The following TXNDC12 variants were observed in gnomAD, a reference collection of about 807,000 sequenced individuals.
The protein encoded by TXNDC12 is thioredoxin domain containing 12, also known as thioredoxin domain-containing protein 12.
A neutral mutation model predicts 24.2 loss-of-function variants in TXNDC12; 22 were observed. That is an observed-to-expected ratio of 0.91 (90% CI 0.65 to 1.30). The LOEUF (loss-of-function observed/expected upper bound fraction) is 1.30, where lower values mean the gene tolerates loss of function less well. Among genes scored for constraint, TXNDC12 ranks in the 50% most tolerant of loss-of-function variants. The pLI is 0.00. For missense variants in TXNDC12, 184 were observed against 205.8 expected (o/e 0.89, Z 0.65); for synonymous variants, 58 against 73.4 (o/e 0.79, Z 1.07).
intron 1 of TXNDC12, among the ~76,000 whole-genome samples, chr1:52,045,750 C>T (rs13374114): frequency 0.023 from 3,497 of 151,880 alleles, 73 homozygotes; most frequent in African/African-American, 0.061. Context: ...AATATTGGTT[C>T]GTCAATTGTA....
intron 3 of TXNDC12, among the ~76,000 whole-genome samples, chr1:52,027,765 G>A (rs1456252428): frequency 5.4e-5 from 8 of 147,202 alleles, no homozygotes; most frequent in South Asian, 4.3e-4. Context: ...ACATATATAC[G>A]TATATATTAT....
chr1:52,044,237 A>T (rs921312602), intron 1 of TXNDC12: 7 of 152,244 alleles, frequency 4.6e-5, no homozygotes, highest in African/African-American at 1.7e-4. Flanking sequence ...CCATAAACAC[A>T]AAGCAAGCTA....
intron 1 of TXNDC12, among the ~76,000 whole-genome samples, chr1:52,049,542 C>T (rs1269466264): frequency 7.2e-5 from 11 of 152,114 alleles, no homozygotes; most frequent in African/African-American, 1.4e-4. Context: ...GCTGAGATTG[C>T]GTCACTGCAC....
chr1:52,023,652 G>T, intron 5 of TXNDC12, 78 bp from the exon 6 acceptor site: 2 of 1,004,954 alleles, frequency 2.0e-6, no homozygotes, highest in Non-Finnish European at 1.6e-6. Flanking sequence ...GGTACATCGG[G>T]CCCTCTGGGA....
chr1:52,044,468 A>C (rs1686051017), intron 1 of TXNDC12, among the ~76,000 whole-genome samples: 1 of 152,240 alleles, frequency 6.6e-6, no homozygotes, highest in Non-Finnish European at 1.5e-5. Flanking sequence ...TAGCCAATGA[A>C]GAAGAACAAC....
intron 1 of TXNDC12, among the ~76,000 whole-genome samples, chr1:52,042,944 G>A (rs1686022072): frequency 5.3e-5 from 8 of 152,126 alleles, no homozygotes; most frequent in Admixed American, 5.2e-4. Flanking sequence ...ATTTTTAGTA[G>A]AGAGAGGGTT....
chr1:52,048,196 G>T (rs1345129738), intron 1 of TXNDC12, among the ~76,000 whole-genome samples: 1 of 152,128 alleles, frequency 6.6e-6, no homozygotes, highest in Non-Finnish European at 1.5e-5. Context: ...CAGTTGTGGT[G>T]GCTCACACCT....
At position 52,028,615 on chromosome 1, in the gene TXNDC12, C is replaced by A. The variant is rs754222278; in HGVS notation, c.174G>T (p.Met58Ile). 6.2e-7 allele frequency: 1 copy of A among 1,612,180 alleles called. No homozygotes were observed. Among genetic ancestry groups the A allele is most frequent in the Non-Finnish European group, 8.5e-7 (1 of 1,179,412 alleles). Reference protein sequence around the residue: ...KEAAASGLPLMVIIHKSWCGA... With the variant: ...KEAAASGLPLIVIIHKSWCGA... The stretch of plus-strand genomic sequence containing the variant: ...CACACCAGGATTTATGAATAATCAC[C>A]ATCAGGGGCAGTCCACTTAAAAGCA... The change falls in exon 3 of 7, where the codon ATG becomes ATT. Residue 58 changes from methionine to isoleucine, a missense_variant. By Grantham distance (10) the Met-to-Ile change is conservative. Transcript: ENST00000371626.
chr1:52,024,777 C>T, intron 4 of TXNDC12, 198 bp from the exon 5 acceptor site: 1 of 509,120 alleles, frequency 2.0e-6, no homozygotes, highest in South Asian at 3.2e-5. Context: ...ACACTGACCT[C>T]TTGCTGTTGC....
intron 2 of TXNDC12, among the ~76,000 whole-genome samples, chr1:52,037,971 A>T (rs1685916093): frequency 6.6e-6 from 1 of 151,520 alleles, no homozygotes; most frequent in South Asian, 2.1e-4. Context: ...TCTGTTGCCC[A>T]GGCTACAGTT....
intron 2 of TXNDC12, among the ~76,000 whole-genome samples, chr1:52,034,994 C>T (rs1685855849): frequency 6.6e-6 from 1 of 152,100 alleles, no homozygotes; most frequent in South Asian, 2.1e-4. Context: ...AAACTCCTGA[C>T]CCCAGGTGAT....
chr1:52,033,703 T>C, intron 2 of TXNDC12: 1 of 1,611,024 alleles, frequency 6.2e-7, no homozygotes, highest in Non-Finnish European at 8.5e-7. Flanking sequence ...CACGCGCAAC[T>C]CTTCAGCACG....
At chr1:52,045,297 A>C (rs922572024) in intron 1 of TXNDC12, among the ~76,000 whole-genome samples, 1 of 152,182 alleles carries the variant, frequency 6.6e-6, no homozygotes, top group African/African-American at 2.4e-5. Flanking sequence ...TAACAGTGAA[A>C]CTATTCTATA....
At chr1:52,030,654 A>G (rs370658795) in intron 2 of TXNDC12, 3 of 152,256 alleles carry the variant, frequency 2.0e-5, no homozygotes, top group African/African-American at 7.2e-5. Flanking sequence ...CCATAGTTTC[A>G]GAGCATGCAT....
intron 1 of TXNDC12, among the ~76,000 whole-genome samples, chr1:52,046,289 A>G (rs1022800488): frequency 7.9e-5 from 12 of 152,126 alleles, no homozygotes; most frequent in African/African-American, 2.7e-4. Flanking sequence ...GGAGACTAAT[A>G]AAGGGGCTAC....
chr1:52,032,677 TTCCCCCC>T (rs781307812), intron 2 of TXNDC12: 1 of 1,562,538 alleles, frequency 6.4e-7, no homozygotes, highest in South Asian at 1.2e-5. Flanking sequence ...AAGCCATGGC[TTCCCCCC>T]TACCTCCTCT....
intron 2 of TXNDC12, among the ~76,000 whole-genome samples, chr1:52,038,260 T>A (rs1057357153): frequency 2.0e-5 from 3 of 152,084 alleles, no homozygotes; most frequent in Admixed American, 6.6e-5. Context: ...CTTAACGGTG[T>A]CTGAGAATTC....
chr1:52,037,245 T>G (rs1254929759), intron 2 of TXNDC12, among the ~76,000 whole-genome samples: 1 of 140,750 alleles, frequency 7.1e-6, no homozygotes, highest in Non-Finnish European at 1.5e-5. Flanking sequence ...AGAATTTCAC[T>G]CTTGTTGCCT....
At chr1:52,053,438 G>A (rs896048242) in intron 1 of TXNDC12, among the ~76,000 whole-genome samples, 2 of 152,188 alleles carry the variant, frequency 1.3e-5, no homozygotes, top group African/African-American at 4.8e-5. Context: ...GCCGAGGCGG[G>A]CAGATCATGA....
Sources: gnomAD v4.1 joint callset for allele counts (sites outside exome capture counted in the v4.1 genomes callset) on GRCh38, gnomAD v4.1.1 for gene constraint, MANE v1.5 for transcripts, NCBI Gene and HGNC (gene_info 2026-07-23, HGNC 2026-07-21) for gene names.